ARHGEF12: variants seen among roughly 807,000 people sequenced by gnomAD.
The protein encoded by ARHGEF12 is Rho guanine nucleotide exchange factor 12.
ARHGEF12 carries 66 observed loss-of-function variants against 211.2 expected under a neutral mutation model. The ratio of observed to expected loss-of-function variants is 0.31; its 90% CI spans 0.26 to 0.38. The LOEUF (loss-of-function observed/expected upper bound fraction) is 0.38. Ranked by LOEUF, ARHGEF12 falls within the 10% of genes least tolerant of loss-of-function variation. The pLI, the probability that ARHGEF12 is intolerant of heterozygous loss-of-function variation, is 1.00. For missense variants in ARHGEF12, 1,429 were observed against 1,869.5 expected, an observed-to-expected ratio of 0.76 and a Z score of 4.34; for synonymous variants, 592 against 638.4, an observed-to-expected ratio of 0.93 and a Z score of 1.09.
chr11:120,454,046 A>C (rs1030846687), intron 22 of ARHGEF12, among the ~76,000 whole-genome samples: 1 of 152,066 alleles, frequency 6.6e-6, no homozygotes, highest in Non-Finnish European at 1.5e-5. Context: ...GGGAGAGTTA[A>C]GTCCCTCCGC....
At chr11:120,482,001 C>T (rs189758213) in intron 39 of ARHGEF12, among the ~76,000 whole-genome samples, 7 of 152,198 alleles carry the variant, frequency 4.6e-5, no homozygotes, top group Admixed American at 2.6e-4. Context: ...CCTCGTGATC[C>T]GCCTGCCTCG....
chr11:120,344,000 C>T (rs900683464), intron 1 of ARHGEF12, among the ~76,000 whole-genome samples: 1 of 152,082 alleles, frequency 6.6e-6, no homozygotes, highest in African/African-American at 2.4e-5. Context: ...CGCGGTGGCT[C>T]ATGCCTGTAA....
chr11:120,467,469 G>T (rs1946739585), intron 29 of ARHGEF12, among the ~76,000 whole-genome samples, 161 bp downstream of exon 29: 3 of 148,494 alleles, frequency 2.0e-5, no homozygotes, highest in South Asian at 2.2e-4. Context: ...TTGAGACAGG[G>T]TCTCACTCAG....
chr11:120,440,262 C>G, intron 13 of ARHGEF12, 41 bp downstream of exon 13: 1 of 1,491,366 alleles, frequency 6.7e-7, no homozygotes, highest in Non-Finnish European at 9.3e-7. Context: ...TTGTTACTTT[C>G]TGCAATATCT....
intron 16 of ARHGEF12, 143 bp downstream of exon 16, chr11:120,445,607 G>C: frequency 1.1e-6 from 1 of 907,940 alleles, no homozygotes; most frequent in South Asian, 1.4e-5. Flanking sequence ...TACATTTAAA[G>C]AGTAAATGAG....
chr11:120,434,297 C>T (rs1945633177), intron 11 of ARHGEF12, among the ~76,000 whole-genome samples: 1 of 152,058 alleles, frequency 6.6e-6, no homozygotes, highest in Admixed American at 6.6e-5. Flanking sequence ...TTTTAACACT[C>T]ATAATAATCT....
chr11:120,479,156 G>A (rs535058848), intron 37 of ARHGEF12, among the ~76,000 whole-genome samples: 6 of 152,262 alleles, frequency 3.9e-5, no homozygotes, highest in Admixed American at 2.0e-4. Context: ...TTTAGAGAGA[G>A]GTTAGGAAGA....
At chr11:120,340,386 G>T (rs995719104) in intron 1 of ARHGEF12, among the ~76,000 whole-genome samples, 1 of 152,124 alleles carries the variant, frequency 6.6e-6, no homozygotes, top group African/African-American at 2.4e-5. Flanking sequence ...CTTTTGTTTT[G>T]GCTAGGGCTT....
intron 1 of ARHGEF12, among the ~76,000 whole-genome samples, chr11:120,377,077 A>T (rs986080734): frequency 6.6e-6 from 1 of 152,180 alleles, no homozygotes; most frequent in African/African-American, 2.4e-5. Flanking sequence ...AATCTTGGCT[A>T]TTGTGAATAG....
intron 1 of ARHGEF12, among the ~76,000 whole-genome samples, chr11:120,371,098 G>T (rs1245513228): frequency 1.3e-5 from 2 of 152,126 alleles, no homozygotes; most frequent in African/African-American, 2.4e-5. Flanking sequence ...TGTGCATGAG[G>T]TTTTTTCCTA....
intron 26 of ARHGEF12, 120 bp downstream of exon 26, chr11:120,459,440 G>A: frequency 9.5e-7 from 1 of 1,051,818 alleles, no homozygotes; most frequent in Non-Finnish European, 1.3e-6. Flanking sequence ...GAGAATGTAA[G>A]ATAAATAAAG....
chr11:120,417,332 C>T (rs1377997800), intron 4 of ARHGEF12, among the ~76,000 whole-genome samples: 1 of 151,922 alleles, frequency 6.6e-6, no homozygotes, highest in Non-Finnish European at 1.5e-5. Context: ...TGGAGAAGCA[C>T]GAATATAGTA....
rs775545217 is a variant in ARHGEF12 at position 120,429,423 on chromosome 11, A to G, written c.586-17A>G. On this transcript the variant is annotated splice_polypyrimidine_tract_variant and intron_variant, in intron 8 of 40. Coordinates refer to ENST00000397843, the MANE Select transcript of ARHGEF12 (RefSeq NM_015313.3). ...CTATACTGGTTGTTGTTTGTTTTTT[A>G]TCTTTTTCTTTTCTAGGAGGAAAAC... The G allele has an allele frequency of 6.3e-7, 1 of 1,598,886 alleles. No homozygotes were observed. The highest frequency in any genetic ancestry group is 8.5e-7 in the Non-Finnish European group (1 of 1,169,770).
intron 12 of ARHGEF12, among the ~76,000 whole-genome samples, chr11:120,438,293 CT>C (rs35273516): frequency 6.6e-6 from 1 of 151,790 alleles, no homozygotes; most frequent in African/African-American, 2.4e-5. Context: ...CACCTAATTT[CT>C]TTTTTTTAAT....
At chr11:120,477,774 G>T in intron 36 of ARHGEF12, 1 of 397,620 alleles carries the variant, frequency 2.5e-6, no homozygotes, top group Non-Finnish European at 4.4e-6. Flanking sequence ...GCTGAGGCAG[G>T]GAGAATTGCT....
At chr11:120,339,005 C>CTTTTT (rs906260027) in intron 1 of ARHGEF12, among the ~76,000 whole-genome samples, 49 of 121,980 alleles carry the variant, frequency 4.0e-4, no homozygotes, top group African/African-American at 1.3e-3. Context: ...TTTTCTTTTT[C>CTTTTT]TTTTTTTTTT....
chr11:120,350,176 A>G (rs1294499585), intron 1 of ARHGEF12, among the ~76,000 whole-genome samples: 1 of 152,162 alleles, frequency 6.6e-6, no homozygotes, highest in Non-Finnish European at 1.5e-5. Flanking sequence ...AAATGAAGAA[A>G]TTTACATGAT....
At chr11:120,476,635 G>C in intron 33 of ARHGEF12, 26 bp from the exon 34 acceptor site, 1 of 1,591,656 alleles carries the variant, frequency 6.3e-7, no homozygotes, top group Non-Finnish European at 8.6e-7. Flanking sequence ...CATAGTATTA[G>C]AGTAATCTTG....
At chr11:120,391,377 A>G (rs555858003) in intron 1 of ARHGEF12, among the ~76,000 whole-genome samples, 3 of 152,320 alleles carry the variant, frequency 2.0e-5, no homozygotes, top group African/African-American at 7.2e-5. Context: ...GAATCTGGCC[A>G]ATCACCATCC....
Sources: gnomAD v4.1 joint callset for allele counts (sites outside exome capture counted in the v4.1 genomes callset) on GRCh38, gnomAD v4.1.1 for gene constraint, MANE v1.5 for transcripts, NCBI Gene and HGNC (gene_info 2026-07-23, HGNC 2026-07-21) for gene names.